Variants in EIF4E observed in about 807,000 individuals in gnomAD.
EIF4E encodes the protein eIF-4F 25 kDa subunit.
For synonymous variants in EIF4E, 71 were observed against 88.5 expected (o/e 0.80, Z 1.11); for missense variants, 113 against 265.6 (o/e 0.43, Z 3.99).
At chr4:98,910,208 C>T (rs1042463888) in intron 1 of EIF4E, among the ~76,000 whole-genome samples, 2 of 152,054 alleles carry the variant, frequency 1.3e-5, no homozygotes, top group African/African-American at 2.4e-5. Flanking sequence ...AGGATCAAAA[C>T]TATGACTTTT....
At chr4:98,899,549 A>T (rs1296468346) in intron 2 of EIF4E, among the ~76,000 whole-genome samples, 1 of 152,186 alleles carries the variant, frequency 6.6e-6, no homozygotes, top group Non-Finnish European at 1.5e-5. Context: ...GTTCTAGGAG[A>T]TCTGAAATTT....
intron 1 of EIF4E, among the ~76,000 whole-genome samples, chr4:98,923,076 C>CCCGACCTCAGGTGATCCG (rs1725719290): frequency 6.6e-6 from 1 of 151,764 alleles, no homozygotes; most frequent in Non-Finnish European, 1.5e-5. Flanking sequence ...GTCTCGAACT[C>CCCGACCTCAGGTGATCCG]CCGACCTCAG....
intron 2 of EIF4E, among the ~76,000 whole-genome samples, chr4:98,899,220 G>C (rs536951725): frequency 6.6e-6 from 1 of 151,868 alleles, no homozygotes; most frequent in Non-Finnish European, 1.5e-5. Context: ...TCCATAACTT[G>C]TTAGCTTGAA....
chr4:98,924,677 T>A (rs1725795403), intron 1 of EIF4E, among the ~76,000 whole-genome samples: 1 of 152,080 alleles, frequency 6.6e-6, no homozygotes, highest in Non-Finnish European at 1.5e-5. Context: ...CACTGCAACC[T>A]CCACCTCCAG....
At chr4:98,926,717 T>A (rs1054826590) in intron 1 of EIF4E, among the ~76,000 whole-genome samples, 6 of 152,198 alleles carry the variant, frequency 3.9e-5, no homozygotes, top group African/African-American at 9.7e-5. Flanking sequence ...AAATACTGTA[T>A]CACTAACCAC....
chr4:98,923,293 C>T (rs968906136), intron 1 of EIF4E, among the ~76,000 whole-genome samples: 3 of 150,716 alleles, frequency 2.0e-5, no homozygotes, highest in African/African-American at 7.3e-5. Context: ...GACACACACA[C>T]ACACACGCAA....
chr4:98,896,850 G>A (rs1164624948), intron 2 of EIF4E, among the ~76,000 whole-genome samples: 1 of 151,796 alleles, frequency 6.6e-6, no homozygotes, highest in African/African-American at 2.4e-5. Flanking sequence ...TGCCTGTGGG[G>A]CCCCAGCTGG....
chr4:98,911,785 A>G (rs1725152343), intron 1 of EIF4E, among the ~76,000 whole-genome samples: 1 of 151,408 alleles, frequency 6.6e-6, no homozygotes, highest in Admixed American at 6.6e-5. Flanking sequence ...ATTACTTTGC[A>G]CATATTATAT....
intron 2 of EIF4E, among the ~76,000 whole-genome samples, chr4:98,901,066 C>T (rs182607252): frequency 1.3e-5 from 2 of 152,186 alleles, no homozygotes; most frequent in Admixed American, 6.5e-5. Flanking sequence ...CAAGTCAGCA[C>T]GGACTTTTTT....
chr4:98,912,763 T>C lies in EIF4E; in HGVS notation c.19-10781A>G, dbSNP rs115013242. 2.6e-3 allele frequency among the ~76,000 whole-genome samples: 391 copies of C among 152,320 alleles called. 2 individuals carry two copies. Among genetic ancestry groups the C allele is most frequent in the African/African-American group, 9.0e-3 (375 of 41,582 alleles). On this transcript the variant is annotated intron_variant, in intron 1 of 6. Coordinates refer to ENST00000450253, the MANE Select transcript of EIF4E (RefSeq NM_001968.5). ...TTATAAGAAGTATTTGAAAGGCAAA[T>C]CTTTTAAAGAATTTAACTGCTATTT...
chr4:98,887,765 C>T lies in EIF4E; in HGVS notation c.285+124G>A. 1 of 821,668 alleles carries T rather than the reference C, an allele frequency of 1.2e-6. No individual in the cohort carries two copies. The highest frequency in any genetic ancestry group is 2.0e-6 in the Non-Finnish European group (1 of 497,650). The allele number at this position is 821,668 out of a possible 1,614,324, so 50.9% of individuals were successfully genotyped here. A position where few individuals can be genotyped will look rare whatever the true frequency, so the allele number is the denominator to read the frequency against. ...ATATTGATACTAAAGCATACTACAG[C>T]CAATTAAATTATCAGCCTATTCATC... is the stretch of plus-strand genomic sequence containing the variant. On this transcript the variant is annotated intron_variant, in intron 4 of 6. Transcript: ENST00000450253. This position sits in a 1 kb window ranked among gnomAD's most constrained non-coding sequence, Gnocchi z 4.0.
At chr4:98,903,219 T>C (rs895180243) in intron 1 of EIF4E, among the ~76,000 whole-genome samples, 2 of 152,082 alleles carry the variant, frequency 1.3e-5, no homozygotes, top group African/African-American at 4.8e-5. Flanking sequence ...AAAAGGGCAA[T>C]GCAACAAGTG....
chr4:98,893,962 C>T (rs1193959806), intron 2 of EIF4E, among the ~76,000 whole-genome samples: 3 of 152,206 alleles, frequency 2.0e-5, no homozygotes, highest in East Asian at 1.9e-4. Context: ...CTGCTCCATA[C>T]GCTGCAGAAA....
intron 1 of EIF4E, among the ~76,000 whole-genome samples, chr4:98,913,354 G>A (rs1204335814): frequency 6.6e-6 from 1 of 151,948 alleles, no homozygotes; most frequent in African/African-American, 2.4e-5. Context: ...TGCCTTCAGA[G>A]GAGGGTATCA....
At chr4:98,911,430 C>T (rs998424707) in intron 1 of EIF4E, among the ~76,000 whole-genome samples, 7 of 148,858 alleles carry the variant, frequency 4.7e-5, no homozygotes, top group East Asian at 2.0e-4. Flanking sequence ...GAGGCCGAGG[C>T]GGGTGGAGCA....
At chr4:98,893,534 T>C (rs1724244594) in intron 2 of EIF4E, among the ~76,000 whole-genome samples, 1 of 152,236 alleles carries the variant, frequency 6.6e-6, no homozygotes, top group Non-Finnish European at 1.5e-5. Flanking sequence ...TCACCAGGAA[T>C]AGATTCCATC....
chr4:98,891,398 AC>A, intron 2 of EIF4E, 66 bp from the exon 3 acceptor site: 1 of 1,461,014 alleles, frequency 6.8e-7, no homozygotes, highest in Non-Finnish European at 9.4e-7. Flanking sequence ...AACATTATTC[AC>A]AAAAGTCAAA....
intron 6 of EIF4E, among the ~76,000 whole-genome samples, chr4:98,881,823 G>A (rs1214543232): frequency 6.6e-6 from 1 of 152,136 alleles, no homozygotes; most frequent in Non-Finnish European, 1.5e-5. Flanking sequence ...TCTATTGCAA[G>A]AATAAAATGG....
At chr4:98,914,807 T>C (rs1725310249) in intron 1 of EIF4E, among the ~76,000 whole-genome samples, 2 of 152,210 alleles carry the variant, frequency 1.3e-5, no homozygotes, top group East Asian at 1.9e-4. Context: ...TTTAGGTTCA[T>C]CAATTCTAAC....
Sources: gnomAD v4.1 joint callset for allele counts (sites outside exome capture counted in the v4.1 genomes callset) on GRCh38, gnomAD v4.1.1 for gene constraint, Gnocchi (gnomAD v3.1) non-coding constraint, MANE v1.5 for transcripts, NCBI Gene and HGNC (gene_info 2026-07-23, HGNC 2026-07-21) for gene names.